The following LMF2 variants were observed in gnomAD, a reference collection of about 807,000 sequenced individuals.
The protein encoded by LMF2 is lipase maturation factor 2, also known as transmembrane protein 112B.
LMF2 carries 113 observed loss-of-function variants against 81.5 expected under a neutral mutation model. The observed-to-expected ratio is 1.39, with a 90% CI of 1.19 to 1.62. The LOEUF is 1.62. Among genes scored for constraint, LMF2 ranks in the 40% most tolerant of loss-of-function variants. LMF2 has a pLI of 0.00. For missense variants in LMF2, 1,235 were observed against 929.1 expected (o/e 1.33, Z -4.28); for synonymous variants, 645 against 424.5 (o/e 1.52, Z -6.39).
chr22:50,505,221 C>T lies in LMF2; in HGVS notation c.1157+8G>A. ...CTGTGCCCCCTCCCTGCTTCCTGGG[C>T]CATGTACCTCCACAGGGCACTCAGC... On this transcript the variant is annotated splice_region_variant and intron_variant, in intron 8 of 13. Coordinates refer to ENST00000474879, the MANE Select transcript of LMF2 (RefSeq NM_033200.3). 6.2e-7 allele frequency: 1 copy of T among 1,613,018 alleles called. No individual in the cohort carries two copies. The highest frequency in any genetic ancestry group is 8.5e-7 in the Non-Finnish European group (1 of 1,179,918).
Position 50,506,504 on chromosome 22 carries a change from T to C in LMF2, c.378-2A>G, listed in dbSNP as rs1284377193. On this transcript the variant is annotated splice_acceptor_variant, in intron 3 of 13. Coordinates refer to ENST00000474879, the MANE Select transcript of LMF2 (RefSeq NM_033200.3). LOFTEE classifies it high-confidence loss of function. The stretch of plus-strand genomic sequence containing the variant: ...CCAGTCTCTAGCAGCAGGGAGTCCC[T>C]ATGGGGAGAGCAAATAGCACCAAGA... 1 of 1,559,706 alleles carries C rather than the reference T, an allele frequency of 6.4e-7. No homozygotes were observed. Among genetic ancestry groups the C allele is most frequent in the South Asian group, 1.2e-5 (1 of 85,000 alleles).
chr22:50,505,431 C>T lies in LMF2; in HGVS notation c.1023G>A (p.Trp341Ter), dbSNP rs2068533791. ...TVHYFGLEVD[W>*]QQRTIHSRTT... ...TTCTGGAGTGGATGGTGCGCTGCTG[C>T]CAGTCAACCTCCAGGCCAAAGTAGT... The change falls in exon 7 of 14, where the codon TGG (tryptophan) becomes TGA (stop). Residue 341 changes from tryptophan (W) to a stop codon, truncating the protein, a stop_gained. Transcript: ENST00000474879. LOFTEE classifies it high-confidence loss of function. The T allele has an allele frequency of 1.9e-6, 3 of 1,613,084 alleles. No individual in the cohort carries two copies. Among genetic ancestry groups the T allele is most frequent in the Non-Finnish European group, 2.5e-6 (3 of 1,180,024 alleles).
At chr22:50,503,741 C>T (rs559171581) in intron 13 of LMF2, 42 bp from the exon 14 acceptor site, 8 of 1,590,750 alleles carry the variant, frequency 5.0e-6, no homozygotes, top group Admixed American at 3.4e-5. Flanking sequence ...GAAGTGCTTA[C>T]TGGGTTTACC....
At position 50,503,579 on chromosome 22, in the gene LMF2, C is replaced by G; in HGVS notation, c.1936G>C (p.Val646Leu). 1.9e-6 allele frequency: 3 copies of G among 1,541,364 alleles called. No individual in the cohort carries two copies. The highest frequency in any genetic ancestry group is 2.5e-5 in the South Asian group (2 of 81,328). Residue 646 changes from valine (V) to leucine (L), a missense_variant, in exon 14 of 14, where the codon GTG becomes CTG. Val to Leu is a conservative substitution (Grantham distance 32). Transcript: ENST00000474879. ...GCTTGCACAAATCTGACAGCCCCCA[C>G]GGCCATGAGGAGCCCCCAGAGCAGG... Reference protein sequence around the residue: ...PALLWGLLMAVGAVRFVQALL... With the variant: ...PALLWGLLMALGAVRFVQALL...
chr22:50,505,655 C>T lies in LMF2; in HGVS notation c.916+19G>A, dbSNP rs1053959494. On this transcript the variant is annotated intron_variant, in intron 6 of 13. Transcript: ENST00000474879. ...GGAGAACCCCTGGGAGGGCAGGGGG[C>T]TGGACAAGTGACACGCACAGGTGGC... The T allele has an allele frequency of 6.2e-7, 1 of 1,612,316 alleles. No individual in the cohort carries two copies. Among genetic ancestry groups the T allele is most frequent in the Non-Finnish European group, 8.5e-7 (1 of 1,179,634 alleles).
chr22:50,507,505 T>G, intron 1 of LMF2, 77 bp downstream of exon 1: 2 of 1,157,314 alleles, frequency 1.7e-6, no homozygotes, highest in Non-Finnish European at 2.5e-6. Flanking sequence ...CCGGACTGCG[T>G]GAGTGCCGGG....
Position 50,505,108 on chromosome 22 carries a change from G to T in LMF2, c.1203C>A (p.Val401=), listed in dbSNP as rs1208079744. The change falls in exon 9 of 14, where the codon GTC becomes GTA. Residue 401 remains valine, a synonymous_variant. Coordinates refer to ENST00000474879, the MANE Select transcript of LMF2 (RefSeq NM_033200.3). ...RGWLRKLSAV[V]QLSLVGTATV... ...TCGCAGTGCCCACAAGGGACAGTTG[G>T]ACTACAGCACTGAGCTTCCGTAGCC... 1.9e-6 allele frequency: 3 copies of T among 1,612,956 alleles called. No individual in the cohort carries two copies.
In LMF2 at chr22:50,505,749, G is replaced by C. The variant is rs781139281; in HGVS notation, c.841C>G (p.Leu281Val). The C allele has an allele frequency of 5.0e-6, 8 of 1,613,098 alleles. No homozygotes were observed. Among genetic ancestry groups the C allele is most frequent in the East Asian group, 2.2e-5 (1 of 44,888 alleles). Residue 281 changes from leucine (L) to valine (V), a missense_variant, in exon 6 of 14, where the codon CTT becomes GTT. Transcript: ENST00000474879. The part of the protein sequence containing the change: ...YNFFNLMTLV[L>V]TTALLDDQHL... ...TGGTCGTCCAGCAGCGCAGTGGTAA[G>C]CACCAGCGTCATCAGGTTGAAGAAG...
rs1399175428 is a variant in LMF2 at position 50,504,993 on chromosome 22, A to G, written c.1255-9T>C. 8 of 1,610,378 alleles carry G rather than the reference A, an allele frequency of 5.0e-6. No individual in the cohort carries two copies. Among genetic ancestry groups the G allele is most frequent in the Non-Finnish European group, 5.9e-6 (7 of 1,178,062 alleles). On this transcript the variant is annotated splice_polypyrimidine_tract_variant and intron_variant, in intron 9 of 13. Coordinates refer to ENST00000474879, the MANE Select transcript of LMF2 (RefSeq NM_033200.3). ...ACGTAGGAGTACGGCACCTGGAGAC[A>G]GGTGGGAGGTTCTCAGGGCTGCCCT...
chr22:50,506,905 G>C lies in LMF2; in HGVS notation c.225C>G (p.Ala75=), dbSNP rs1347154387. The C allele has an allele frequency of 6.3e-7, 1 of 1,583,450 alleles. No individual in the cohort carries two copies. Among genetic ancestry groups the C allele is most frequent in the South Asian group, 1.1e-5 (1 of 87,944 alleles). Residue 75 remains alanine (A), a synonymous_variant, in exon 2 of 14, where the codon GCC becomes GCG. Transcript: ENST00000474879. ...GCAGGCTCAGCAGCTCCAGGCCCTG[G>C]GCCGTGTCCAGCCCCAGTCTCGGCG... ...WEAPRLGLDT[A]QGLELLSLLG... is the part of the protein sequence containing the mutation.
chr22:50,506,663 C>T lies in LMF2; in HGVS notation c.352G>A (p.Gly118Ser), dbSNP rs750553572. 4.9e-5 allele frequency: 79 copies of T among 1,613,520 alleles called. No individual in the cohort carries two copies. The highest frequency in any genetic ancestry group is 6.4e-5 in the Non-Finnish European group (76 of 1,179,946). Residue 118 changes from glycine (G) to serine (S), a missense_variant, in exon 3 of 14, where the codon GGC becomes AGC. Gly to Ser is a moderately conservative substitution (Grantham distance 56, BLOSUM62 0). Transcript: ENST00000474879. ...CACTGGAAATAAAGGAACACCTGGC[C>T]CACCTGCGGAGAGAGGGGCTGTCAG... ...WAAYLSACQV[G>S]QVFLYFQWDS...
At position 50,504,425 on chromosome 22, in the gene LMF2, C is replaced by T. The variant is rs767885328; in HGVS notation, c.1633G>A (p.Ala545Thr). Residue 545 changes from alanine to threonine, a missense_variant, in exon 12 of 14, where the codon GCC (alanine) becomes ACC (threonine). Transcript: ENST00000474879. ...GGCTGCTTGTGGAAGGGATACCTGG[C>T]CACTTGGCTCTGGACAAGGCGGATC... Reference protein sequence around the residue: ...PVIRLVQSQVARYPFHKQPPT... With the variant: ...PVIRLVQSQVTRYPFHKQPPT... The T allele has an allele frequency of 5.0e-6, 8 of 1,612,144 alleles. No individual in the cohort carries two copies. The East Asian group carries it at 1.3e-4, about 27-fold the overall frequency.
rs1399666679 is a variant in LMF2, at chr22:50,505,821, G to T, written c.775-6C>A. 18 of 1,612,516 alleles carry T rather than the reference G, an allele frequency of 1.1e-5. No individual in the cohort carries two copies. Among genetic ancestry groups the T allele is most frequent in the Non-Finnish European group, 1.4e-5 (17 of 1,179,800 alleles). On this transcript the variant is annotated splice_polypyrimidine_tract_variant and splice_region_variant and intron_variant, in intron 5 of 13. Transcript: ENST00000474879. The stretch of plus-strand genomic sequence containing the variant: ...ATCAGGACCTGCAGCAGCACCTGGG[G>T]GCGGCCCGCTCTCAGTGCTCCCGGA...
chr22:50,505,632 A>T (rs762909213), intron 6 of LMF2, 42 bp downstream of exon 6: 1 of 1,611,066 alleles, frequency 6.2e-7, no homozygotes, highest in Admixed American at 1.7e-5. Context: ...GTTGGAGGGG[A>T]GAACCCCTGG....
rs1569517819 is a variant in LMF2 at position 50,503,458 on chromosome 22, G to GAAC, written c.2056_2057insGTT (p.Ala685_Ser686insCys). On this transcript the variant is annotated inframe_insertion, in exon 14 of 14. Coordinates refer to ENST00000474879, the MANE Select transcript of LMF2 (RefSeq NM_033200.3). ...GTTGGGGGCTGCGGTGGCCTGTTCG[G>GAAC]AGGCAGCTCCGGAGTCTTTCTGGGA... 6.2e-7 allele frequency: 1 copy of GAAC among 1,600,636 alleles called. No homozygotes were observed. The highest frequency in any genetic ancestry group is 8.5e-7 in the Non-Finnish European group (1 of 1,176,254).
In LMF2 at chr22:50,503,607, G is replaced by A. The variant is rs749491653; in HGVS notation, c.1908C>T (p.Pro636=). Residue 636 remains proline, a synonymous_variant, in exon 14 of 14, where the codon CCC becomes CCT. Transcript: ENST00000474879. ...TRSQLSPLEA[P]ALLWGLLMAV... ...CCATGAGGAGCCCCCAGAGCAGGGC[G>A]GGGGCCTCCAGGGGAGACAGCTGAG... The A allele has an allele frequency of 1.3e-5, 21 of 1,567,638 alleles. 1 individual carries two copies. The highest frequency in any genetic ancestry group is 5.4e-5 in the African/African-American group (4 of 73,796).
At chr22:50,506,238 G>C in intron 4 of LMF2, 25 bp from the exon 5 acceptor site, 1 of 1,549,030 alleles carries the variant, frequency 6.5e-7, no homozygotes, top group South Asian at 1.2e-5. Context: ...AGGAGTCAGG[G>C]CTGGCCGAGC....
rs1326542820 is a variant in LMF2 at position 50,505,665 on chromosome 22, G to A, written c.916+9C>T. The A allele has an allele frequency of 8.7e-6, 14 of 1,612,626 alleles. No individual in the cohort carries two copies. Among genetic ancestry groups the A allele is most frequent in the South Asian group, 3.3e-5 (3 of 91,048 alleles). ...TGGGAGGGCAGGGGGCTGGACAAGT[G>A]ACACGCACAGGTGGCCGTCTTCTTG... is the stretch of plus-strand genomic sequence containing the variant. On this transcript the variant is annotated intron_variant, in intron 6 of 13. Transcript: ENST00000474879.
At position 50,506,659 on chromosome 22, in the gene LMF2, T is replaced by G. The variant is rs1429945569; in HGVS notation, c.356A>C (p.Gln119Pro). Reference protein sequence around the residue: ...AAYLSACQVGQVFLYFQWDSL... With the variant: ...AAYLSACQVGPVFLYFQWDSL... ...TCACCACTGGAAATAAAGGAACACC[T>G]GGCCCACCTGCGGAGAGAGGGGCTG... Residue 119 changes from glutamine (Q) to proline (P), a missense_variant, in exon 3 of 14, where the codon CAG becomes CCG. Physicochemically the swap from Gln to Pro is moderately conservative, Grantham distance 76. Transcript: ENST00000474879. 6.2e-7 allele frequency: 1 copy of G among 1,613,390 alleles called. No individual in the cohort carries two copies. The highest frequency in any genetic ancestry group is 8.5e-7 in the Non-Finnish European group (1 of 1,179,848).
Sources: gnomAD v4.1 joint callset for allele counts on GRCh38, gnomAD v4.1.1 for gene constraint, MANE v1.5 for transcripts, NCBI Gene and HGNC (gene_info 2026-07-23, HGNC 2026-07-21) for gene names.